TBX1: variants seen among roughly 807,000 people sequenced by gnomAD.
The protein encoded by TBX1 is T-box transcription factor 1, also known as T-box transcription factor TBX1.
TBX1 carries 16 observed loss-of-function variants against 40.8 expected under a neutral mutation model. The observed-to-expected ratio is 0.39, with a 90% CI of 0.27 to 0.60. The LOEUF is 0.60. Ranked by LOEUF, TBX1 falls within the 20% of genes least tolerant of loss-of-function variation. TBX1 has a pLI of 0.51. For missense variants in TBX1, 755 were observed against 728.5 expected, an observed-to-expected ratio of 1.04 and a Z score of -0.42; for synonymous variants, 403 against 336.8, an observed-to-expected ratio of 1.20 and a Z score of -2.15.
intron 2 of TBX1, chr22:19,763,675 C>G: frequency 2.3e-6 from 1 of 433,804 alleles, no homozygotes; most frequent in Non-Finnish European, 4.2e-6. Flanking sequence ...AGCGCCTAGT[C>G]CCCTTCCCCC....
downstream of TBX1, among the ~76,000 whole-genome samples, chr22:19,770,160 C>T (rs148566345): frequency 4.6e-5 from 7 of 152,308 alleles, 1 homozygote; most frequent in African/African-American, 1.7e-4. Context: ...TGGCTGCAGA[C>T]GTCCAGCTGC....
upstream of TBX1, chr22:19,759,478 A>C: frequency 1.4e-6 from 2 of 1,440,630 alleles, no homozygotes; most frequent in African/African-American, 1.5e-5. Flanking sequence ...GGCGCCGGCC[A>C]GGCCGCCGGG....
At chr22:19,768,338 T>TC (rs1461162097), downstream of TBX1, among the ~76,000 whole-genome samples, 4 of 152,164 alleles carry the variant, frequency 2.6e-5, no homozygotes, top group Non-Finnish European at 4.4e-5. Flanking sequence ...GACCTGTTTT[T>TC]CGTATACATG....
chr22:19,774,354 A>C (rs1364082538), intron 8 of TBX1, among the ~76,000 whole-genome samples: 1 of 152,248 alleles, frequency 6.6e-6, no homozygotes, highest in Non-Finnish European at 1.5e-5. Context: ...TCCAGGCTGC[A>C]GTGAGCTACG....
At chr22:19,775,154 C>T (rs13055384) in intron 8 of TBX1, among the ~76,000 whole-genome samples, 15,355 of 151,988 alleles carry the variant, frequency 0.1, 1,190 homozygotes, top group African/African-American at 0.22. Context: ...AGTACAGTGG[C>T]GCGATCTTGG....
chr22:19,764,438 G>A (rs763875397), intron 3 of TBX1, 112 bp downstream of exon 3: 18 of 1,402,942 alleles, frequency 1.3e-5, no homozygotes, highest in African/African-American at 2.8e-5. Flanking sequence ...GTCCCCAGGC[G>A]GCTCTGGGCT....
intron 4 of TBX1, 45 bp from the exon 5 acceptor site, chr22:19,765,713 A>T (rs780894151): frequency 1.2e-6 from 2 of 1,607,088 alleles, no homozygotes; most frequent in East Asian, 4.5e-5. Context: ...CGGGTGGCCC[A>T]GGCTGCAGGG....
downstream of TBX1, chr22:19,782,883 G>A: frequency 1.9e-6 from 3 of 1,614,156 alleles, no homozygotes; most frequent in East Asian, 4.5e-5. Flanking sequence ...ACCCAGTGTA[G>A]GGATCTGTTT....
chr22:19,764,496 C>T (rs1936769653), intron 3 of TBX1, among the ~76,000 whole-genome samples, 170 bp downstream of exon 3: 2 of 152,348 alleles, frequency 1.3e-5, no homozygotes, highest in Admixed American at 6.5e-5. Flanking sequence ...GAGGCTGAGG[C>T]GGAGCTTGGG....
In TBX1 at chr22:19,766,374, C is replaced by A; in HGVS notation, c.1037-15C>A. 7.6e-7 allele frequency: 1 copy of A among 1,307,290 alleles called. No individual in the cohort carries two copies. The highest frequency in any genetic ancestry group is 2.0e-5 in the South Asian group (1 of 50,258). 81.0% of individuals were successfully genotyped at this position (1,307,290 alleles called of 1,614,324 possible). A position where few individuals can be genotyped will look rare whatever the true frequency, so the allele number is the denominator to read the frequency against. ...GCCCCGGCCGGCCGCGCTCACTCCT[C>A]GGCCCTCTCCGCAGACGCGGCTGAG... is the stretch of plus-strand genomic sequence containing the variant. On this transcript the variant is annotated splice_polypyrimidine_tract_variant and intron_variant, in intron 6 of 6. Coordinates refer to ENST00000649276, the MANE Select transcript of TBX1 (RefSeq NM_001379200.1).
intron 6 of TBX1, 106 bp from the exon 7 acceptor site, chr22:19,766,283 C>T (rs1415245477): frequency 4.2e-6 from 5 of 1,194,868 alleles, no homozygotes; most frequent in Non-Finnish European, 5.2e-6. Context: ...GGTCGGGGAA[C>T]ACCGAGGGCG....
chr22:19,769,888 T>C (rs1261916143), downstream of TBX1, among the ~76,000 whole-genome samples: 5 of 152,266 alleles, frequency 3.3e-5, no homozygotes, highest in Non-Finnish European at 7.3e-5. Context: ...ACCGGGCCTA[T>C]GGTCATTTGT....
At chr22:19,764,651 G>A (rs1044301225) in intron 3 of TBX1, among the ~76,000 whole-genome samples, 3 of 152,206 alleles carry the variant, frequency 2.0e-5, no homozygotes, top group Non-Finnish European at 2.9e-5. Context: ...GAAAAGATGG[G>A]GCCCTGCAAG....
chr22:19,763,740 A>T (rs1029391714), intron 2 of TBX1: 1 of 400,210 alleles, frequency 2.5e-6, no homozygotes, highest in African/African-American at 2.0e-5. Context: ...GGTGGCCAGG[A>T]GAGATTATGC....
upstream of TBX1, among the ~76,000 whole-genome samples, chr22:19,760,602 G>A (rs1330480525): frequency 7.8e-6 from 1 of 128,700 alleles, no homozygotes; most frequent in African/African-American, 2.9e-5. Context: ...CGGGCGGGCT[G>A]GGGGCCGGGG....
upstream of TBX1, chr22:19,759,456 G>A (rs1468750548): frequency 1.4e-6 from 2 of 1,414,524 alleles, no homozygotes; most frequent in Non-Finnish European, 1.8e-6. Context: ...CTGGGCACAC[G>A]CAGTCGGAGG....
chr22:19,760,991 C>G lies in TBX1; in HGVS notation c.148C>G (p.Arg50Gly). The part of the protein sequence containing the change: ...ASPGADPYGP[R>G]EPPPPPPRYD... Reference sequence around the variant, plus strand: ...GCCCGGCGCCGACCCGTACGGCCCGCGCGAGCCCCCGCCGCCGCCGCCGCG... The same window carrying G: ...GCCCGGCGCCGACCCGTACGGCCCGGGCGAGCCCCCGCCGCCGCCGCCGCG... The change falls in exon 1 of 7, where the codon CGC (arginine) becomes GGC (glycine). Residue 50 changes from arginine to glycine, a missense_variant. By Grantham distance (125) the Arg-to-Gly change is moderately radical (BLOSUM62 -2). Coordinates refer to ENST00000649276, the MANE Select transcript of TBX1 (RefSeq NM_001379200.1). The G allele has an allele frequency of 1.1e-6, 1 of 950,572 alleles. No homozygotes were observed. Among genetic ancestry groups the G allele is most frequent in the Non-Finnish European group, 1.2e-6 (1 of 801,258 alleles). The allele number at this position is 950,572 out of a possible 1,614,324, so 58.9% of individuals were successfully genotyped here. A position where few individuals can be genotyped will look rare whatever the true frequency, so the allele number is the denominator to read the frequency against.
At position 19,765,896 on chromosome 22, in the gene TBX1, C is replaced by T; in HGVS notation, c.936-6C>T. ...GGCGCCGCCCTGATCCGCCTCCCGC[C>T]CGCAGGCCCCGGAACCACCGGCCCG... On this transcript the variant is annotated splice_polypyrimidine_tract_variant and splice_region_variant and intron_variant, in intron 5 of 6. Transcript: ENST00000649276. 3 of 1,544,064 alleles carry T rather than the reference C, an allele frequency of 1.9e-6. No homozygotes were observed. Among genetic ancestry groups the T allele is most frequent in the East Asian group, 5.0e-5 (2 of 39,964 alleles).
At chr22:19,768,528 G>T (rs143162568), downstream of TBX1, among the ~76,000 whole-genome samples, 3 of 152,292 alleles carry the variant, frequency 2.0e-5, no homozygotes, top group Middle Eastern at 3.4e-3. Context: ...CACGGCTTTG[G>T]AGATGCATTT....
Sources: gnomAD v4.1 joint callset for allele counts (sites outside exome capture counted in the v4.1 genomes callset) on GRCh38, gnomAD v4.1.1 for gene constraint, MANE v1.5 for transcripts, NCBI Gene and HGNC (gene_info 2026-07-23, HGNC 2026-07-21) for gene names.